The following PACS2 variants were observed in gnomAD, a reference collection of about 807,000 sequenced individuals.
PACS2 encodes the protein phosphofurin acidic cluster sorting protein 2.
Under a neutral mutation model 113.0 loss-of-function variants are expected in PACS2, and 36 were observed. That is an observed-to-expected ratio of 0.32 (90% CI 0.24 to 0.42). The LOEUF is 0.42. Among genes scored for constraint, PACS2 ranks in the 10% least tolerant of loss-of-function variants. The probability of loss-of-function intolerance (pLI) is 1.00; values close to 1 mark genes in which losing one functional copy is unlikely to be tolerated. For synonymous variants in PACS2, 589 were observed against 536.1 expected (o/e 1.10, Z -1.36); for missense variants, 1,015 against 1,239.5 (o/e 0.82, Z 2.72).
rs1431172087 is a variant in PACS2 at position 105,315,022 on chromosome 14, C to A, written c.104C>A (p.Pro35His). The A allele has an allele frequency of 1.6e-6, 2 of 1,225,998 alleles. No individual in the cohort carries two copies. Among genetic ancestry groups the A allele is most frequent in the Non-Finnish European group, 2.1e-6 (2 of 965,470 alleles). The allele number at this position is 1,225,998 out of a possible 1,614,324, so 75.9% of individuals were successfully genotyped here. Residue 35 changes from proline to histidine, a missense_variant, in exon 1 of 25, where the codon CCC (proline) becomes CAC (histidine). Physicochemically the swap from Pro to His is moderately conservative, Grantham distance 77 (BLOSUM62 -2). Around this residue, in one of 3 missense-constraint regions of PACS2, gnomAD observed 140 missense variants for 135.1 expected, o/e 1.04. Coordinates refer to ENST00000447393, the MANE Select transcript of PACS2 (RefSeq NM_001100913.3). This position sits in a 1 kb window ranked among gnomAD's most constrained non-coding sequence, Gnocchi z 4.4. ...FATWEVDGSS[P>H]SCVPRLCSLT... ...ACCTGGGAGGTGGACGGCTCCAGCC[C>A]CAGCTGCGTGCCCAGGTACGCGCCG...
At chr14:105,322,712 T>C (rs1248041757) in intron 1 of PACS2, among the ~76,000 whole-genome samples, 1 of 152,252 alleles carries the variant, frequency 6.6e-6, no homozygotes. Context: ...ATTGTTTTCT[T>C]GTGAAGCCCA....
intron 4 of PACS2, among the ~76,000 whole-genome samples, chr14:105,363,503 A>C (rs983936282): frequency 3.9e-5 from 6 of 152,022 alleles, no homozygotes; most frequent in Admixed American, 2.0e-4. Flanking sequence ...CCAGCTCCAA[A>C]CTTCTTCTGC....
At chr14:105,304,109 AGTACAGGACAGTCAGGCT>A (rs1215878507) in intron 1 of PACS2, among the ~76,000 whole-genome samples, 3 of 152,242 alleles carry the variant, frequency 2.0e-5, no homozygotes, top group African/African-American at 4.8e-5. Flanking sequence ...ACAGTCAGGC[AGTACAGGACAGTCAGGCT>A]GTACAGGACA....
At position 105,356,788 on chromosome 14, in the gene PACS2, C is replaced by T. The variant is rs1555405396; in HGVS notation, c.423+1611C>T. ...CCATGCAGGCGAGGTCCTGCTGATC[C>T]CTGCCGGTCCCTGTGTTTCCCATTA... On this transcript the variant is annotated intron_variant, in intron 4 of 24. Transcript: ENST00000447393. This position sits in a 1 kb window ranked among gnomAD's most constrained non-coding sequence, Gnocchi z 4.0. Among the ~76,000 whole-genome samples the T allele has an allele frequency of 6.6e-6, 1 of 151,116 alleles. No homozygotes were observed. Among genetic ancestry groups the T allele is most frequent in the Non-Finnish European group, 1.5e-5 (1 of 67,742 alleles).
At chr14:105,368,383 C>A in intron 6 of PACS2, 76 bp from the exon 7 acceptor site, 1 of 1,173,148 alleles carries the variant, frequency 8.5e-7, no homozygotes, top group South Asian at 1.2e-5. Context: ...CTCCCATCGC[C>A]CACGCTGAGG....
At chr14:105,385,322 C>G (rs1462814928) in intron 18 of PACS2, among the ~76,000 whole-genome samples, 3 of 152,242 alleles carry the variant, frequency 2.0e-5, no homozygotes, top group African/African-American at 7.2e-5. Flanking sequence ...CTTCCACAGC[C>G]TGGGTTTCTC....
chr14:105,310,548 A>AG (rs2058326060), upstream of PACS2, among the ~76,000 whole-genome samples: 1 of 150,440 alleles, frequency 6.6e-6, no homozygotes, highest in South Asian at 2.1e-4. Flanking sequence ...AAAAAAAAAA[A>AG]AAAAAAAGAA....
At chr14:105,351,333 G>T (rs181779346) in intron 2 of PACS2, among the ~76,000 whole-genome samples, 1 of 152,202 alleles carries the variant, frequency 6.6e-6, no homozygotes, top group Non-Finnish European at 1.5e-5. Flanking sequence ...CAAATGACTC[G>T]TTATCCATTT....
At chr14:105,343,497 G>T (rs2059810620) in intron 1 of PACS2, among the ~76,000 whole-genome samples, 1 of 152,088 alleles carries the variant, frequency 6.6e-6, no homozygotes, top group Non-Finnish European at 1.5e-5. Flanking sequence ...AAGTCCCAGT[G>T]GTTTTGCTTC....
intron 1 of PACS2, among the ~76,000 whole-genome samples, chr14:105,344,065 G>C (rs2059830196): frequency 6.6e-6 from 1 of 151,230 alleles, no homozygotes; most frequent in Non-Finnish European, 1.5e-5. Context: ...CTACAGATGT[G>C]TGCTGCCGTA....
Position 105,391,737 on chromosome 14 carries a change from G to T in PACS2, c.2226G>T (p.Pro742=). 8 of 1,595,832 alleles carry T rather than the reference G, an allele frequency of 5.0e-6. No individual in the cohort carries two copies. Among genetic ancestry groups the T allele is most frequent in the Non-Finnish European group, 6.8e-6 (8 of 1,172,120 alleles). Residue 742 remains proline, a synonymous_variant, in exon 22 of 25, where the codon CCG becomes CCT. Coordinates refer to ENST00000447393, the MANE Select transcript of PACS2 (RefSeq NM_001100913.3). ...KEASPTPPSS[P]SVSGGLSSPS... is the part of the protein sequence containing the mutation. ...CCTCACCCACCCCGCCCTCCTCCCCGTCGGTGAGCGGAGGCCTGTCCTCCC... is the reference window on the plus strand; with the variant it reads ...CCTCACCCACCCCGCCCTCCTCCCCTTCGGTGAGCGGAGGCCTGTCCTCCC...
chr14:105,309,124 G>A lies in PACS2; in HGVS notation c.-83+8145G>A, dbSNP rs2058275917. Among the ~76,000 whole-genome samples the A allele has an allele frequency of 1.3e-5, 2 of 152,202 alleles. No homozygotes were observed. Among genetic ancestry groups the A allele is most frequent in the Admixed American group, 6.5e-5 (1 of 15,272 alleles). ...CTGTGAATGTCCTTGGCTGATTTCT[G>A]TATTAGGGCCTGGGTGTTTTCCTTT... is the stretch of plus-strand genomic sequence containing the variant. On this transcript the variant is annotated intron_variant, in intron 1 of 23. Transcript: ENST00000430725. The surrounding 1 kb of genome is among the most constrained non-coding windows in gnomAD (Gnocchi z 4.0).
rs1480674553 is a variant in PACS2, at chr14:105,302,445, C to T, written c.-83+1466C>T. ...CTTGAACTCCCGACCTCAGGTGATC[C>T]GCCCACTTCAGCCTCCCAAAGTGCT... On this transcript the variant is annotated intron_variant, in intron 1 of 23. Coordinates refer to the PACS2 transcript ENST00000430725. Among the ~76,000 whole-genome samples, 4 of 152,018 alleles carry T rather than the reference C, an allele frequency of 2.6e-5. No homozygotes were observed. The East Asian group carries it at 5.8e-4, about 22-fold the overall frequency.
Position 105,389,998 on chromosome 14 carries a change from G to C in PACS2, c.2071G>C (p.Val691Leu), listed in dbSNP as rs2081302898. 1.9e-6 allele frequency: 3 copies of C among 1,613,848 alleles called. No homozygotes were observed. Among genetic ancestry groups the C allele is most frequent in the Non-Finnish European group, 2.5e-6 (3 of 1,179,790 alleles). ...GTCCTCCCAAAAGTTCATTCCCTTT[G>C]TCGGGGTGAGTACTGGCCAGCTTTA... ...EESSQKFIPF[V>L]GVVKVGIVEP... The change falls in exon 20 of 25, where the codon GTC becomes CTC. Residue 691 changes from valine (V) to leucine (L), a missense_variant. Transcript: ENST00000447393.
chr14:105,380,903 C>T lies in PACS2; in HGVS notation c.1126-54C>T, dbSNP rs72711576. Reference sequence around the variant, plus strand: ...CCAGAGGCCACAGGGCTGGAGAGGCCGCAGCACGGGTGTGGTTTCCACGGG... The same window carrying T: ...CCAGAGGCCACAGGGCTGGAGAGGCTGCAGCACGGGTGTGGTTTCCACGGG... On this transcript the variant is annotated intron_variant, in intron 11 of 24. Transcript: ENST00000447393. The T allele has an allele frequency of 3.4e-3, 5,342 of 1,551,150 alleles. 9 individuals are homozygous for T. The highest frequency in any genetic ancestry group is 8.7e-3 in the Middle Eastern group (50 of 5,780).
chr14:105,321,945 C>T (rs113169658), intron 1 of PACS2, among the ~76,000 whole-genome samples: 22 of 142,896 alleles, frequency 1.5e-4, no homozygotes, highest in African/African-American at 5.6e-4. Context: ...CCTTTTCTGA[C>T]TTTTTTTTTT....
chr14:105,341,683 A>G (rs2059730222), intron 1 of PACS2, among the ~76,000 whole-genome samples: 1 of 152,238 alleles, frequency 6.6e-6, no homozygotes, highest in Non-Finnish European at 1.5e-5. Flanking sequence ...CTGAATGCAA[A>G]TGATTCTTTT....
At chr14:105,371,046 A>T (rs1555409267) in intron 8 of PACS2, 1 of 152,218 alleles carries the variant, frequency 6.6e-6, no homozygotes, top group African/African-American at 2.4e-5. Context: ...TGGGGCACAC[A>T]CTCAGCGAGG....
exon 1 of PACS2, chr14:105,300,841 C>G (rs1458014231): frequency 5.5e-6 from 1 of 183,298 alleles, no homozygotes; most frequent in African/African-American, 2.4e-5. Context: ...GGGACAGGCA[C>G]CGGGACCACG....
Sources: allele counts gnomAD v4.1 joint callset (sites outside exome capture counted in the v4.1 genomes callset), GRCh38; gene constraint gnomAD v4.1.1; regional missense constraint gnomAD v4.1.1; non-coding constraint Gnocchi (gnomAD v3.1); transcripts MANE v1.5; gene names NCBI Gene and HGNC (gene_info 2026-07-23, HGNC 2026-07-21).